SPTBN4: variants seen among roughly 807,000 people sequenced by gnomAD.
The protein encoded by SPTBN4 is spectrin beta chain, non-erythrocytic 4.
Under a neutral mutation model 277.8 loss-of-function variants are expected in SPTBN4, and 96 were observed. The observed-to-expected ratio is 0.35, with a 90% confidence interval of 0.29 to 0.41. SPTBN4 has a LOEUF of 0.41. Ranked by LOEUF, SPTBN4 falls within the 10% of genes least tolerant of loss-of-function variation. The pLI is 1.00. For synonymous variants in SPTBN4, 1,481 were observed against 1,580.3 expected (o/e 0.94, Z 1.49); for missense variants, 3,006 against 3,595.7 (o/e 0.84, Z 4.19).
intron 3 of SPTBN4, among the ~76,000 whole-genome samples, chr19:40,489,832 C>A (rs1021545763): frequency 1.3e-5 from 2 of 152,190 alleles, no homozygotes; most frequent in Non-Finnish European, 2.9e-5. Flanking sequence ...GGGGCAGAGC[C>A]AGGGACGTGA....
intron 17 of SPTBN4, among the ~76,000 whole-genome samples, chr19:40,525,300 T>C (rs1387354798): frequency 6.6e-6 from 1 of 150,872 alleles, no homozygotes; most frequent in Non-Finnish European, 1.5e-5. Context: ...CATCCAGGCC[T>C]GGATCCTTCC....
Position 40,512,641 on chromosome 19 carries a change from C to T in SPTBN4, c.1852C>T (p.Arg618Cys). 3.2e-6 allele frequency: 5 copies of T among 1,541,896 alleles called. No homozygotes were observed. Among genetic ancestry groups the T allele is most frequent in the Non-Finnish European group, 4.3e-6 (5 of 1,151,868 alleles). ...QPCDPQVICN[R>C]VNHVHGCLAE... Reference sequence around the variant, plus strand: ...CTGCGACCCGCAGGTCATCTGCAACCGCGTGAACCACGTGCACGGCTGCCT... The same window carrying T: ...CTGCGACCCGCAGGTCATCTGCAACTGCGTGAACCACGTGCACGGCTGCCT... Residue 618 changes from arginine (R) to cysteine (C), a missense_variant, in exon 14 of 36, where the codon CGC (arginine) becomes TGC (cysteine). Coordinates refer to ENST00000598249, the MANE Select transcript of SPTBN4 (RefSeq NM_020971.3).
At chr19:40,481,995 G>A (rs1568760444) in intron 2 of SPTBN4, among the ~76,000 whole-genome samples, 1 of 151,072 alleles carries the variant, frequency 6.6e-6, no homozygotes, top group East Asian at 2.0e-4. Flanking sequence ...GGAGTGCAAT[G>A]GCACGATCTC....
chr19:40,556,998 C>CCG, intron 25 of SPTBN4, 25 bp from the exon 26 acceptor site: 1 of 1,070,932 alleles, frequency 9.3e-7, no homozygotes, highest in Non-Finnish European at 1.3e-6. Flanking sequence ...TTTGCTGTAC[C>CCG]CCCCCCCCCA....
chr19:40,550,164 G>C (rs2080901928), intron 21 of SPTBN4, 74 bp from the exon 22 acceptor site: 1 of 1,301,356 alleles, frequency 7.7e-7, no homozygotes, highest in East Asian at 2.4e-5. Context: ...TGCCGTGCAG[G>C]TTTAAAGTTT....
At chr19:40,497,648 T>A (rs777025022) in intron 7 of SPTBN4, 44 bp downstream of exon 7, 1 of 1,501,210 alleles carries the variant, frequency 6.7e-7, no homozygotes, top group Non-Finnish European at 9.2e-7. Context: ...CTTGGGGGAC[T>A]CCCAACCCCA....
intron 27 of SPTBN4, among the ~76,000 whole-genome samples, chr19:40,561,099 C>T (rs574824199): frequency 5.3e-5 from 8 of 152,136 alleles, no homozygotes; most frequent in Non-Finnish European, 1.2e-4. Context: ...CTGCAACCTC[C>T]GTCTCCCAGG....
In SPTBN4 at chr19:40,502,379, T is replaced by C. The variant is rs200295373; in HGVS notation, c.1086-11T>C. On this transcript the variant is annotated splice_polypyrimidine_tract_variant and intron_variant, in intron 9 of 35. Transcript: ENST00000598249. The surrounding 1 kb of genome is among the most constrained non-coding windows in gnomAD (Gnocchi z 4.9). ...CATGACGGCAGGGCTCCTGAGCTCA[T>C]GCCCCTTCAGGTTCCAGGAGAAGGG... 1.3e-3 allele frequency: 2,138 copies of C among 1,610,920 alleles called. 2 individuals are homozygous for C. The highest frequency in any genetic ancestry group is 1.6e-3 in the Non-Finnish European group (1,912 of 1,178,484).
At chr19:40,489,372 G>C (rs1163385174) in intron 3 of SPTBN4, among the ~76,000 whole-genome samples, 1 of 142,242 alleles carries the variant, frequency 7.0e-6, no homozygotes, top group East Asian at 2.0e-4. Context: ...AAGCAGCGAG[G>C]GGTGTGACGC....
In SPTBN4 at chr19:40,502,407, A is replaced by G; in HGVS notation, c.1103A>G (p.Asn368Ser). 6.2e-7 allele frequency: 1 copy of G among 1,612,848 alleles called. No homozygotes were observed. The highest frequency in any genetic ancestry group is 8.5e-7 in the Non-Finnish European group (1 of 1,179,668). ...EKPVKFQEKG[N>S]LEVLLFSIQS... ...CCCTTCAGGTTCCAGGAGAAGGGGA[A>G]CCTAGAGGTGCTGCTCTTCAGCATC... is the stretch of plus-strand genomic sequence containing the variant. The change falls in exon 10 of 36, where the codon AAC becomes AGC. Residue 368 changes from asparagine to serine, a missense_variant. By Grantham distance (46) the Asn-to-Ser change is conservative. Around this residue, in one of 5 missense-constraint regions of SPTBN4, gnomAD observed 1,759 missense variants for 2,061.5 expected, o/e 0.85. Coordinates refer to ENST00000598249, the MANE Select transcript of SPTBN4 (RefSeq NM_020971.3). This position sits in a 1 kb window ranked among gnomAD's most constrained non-coding sequence, Gnocchi z 4.9.
In SPTBN4 at chr19:40,472,681, C is replaced by A. The variant is rs1478794270; in HGVS notation, c.60C>A (p.Asn20Lys). ...AGGGCCTGCCTGCTCCTAACAACAA[C>A]CCTGCTGCCCGCTGGGAGAGTCCGG... ...NMEGLPAPNN[N>K]PAARWESPDR... Residue 20 changes from asparagine to lysine, a missense_variant, in exon 2 of 36, where the codon AAC becomes AAA. Coordinates refer to ENST00000598249, the MANE Select transcript of SPTBN4 (RefSeq NM_020971.3). 2.5e-6 allele frequency: 4 copies of A among 1,613,940 alleles called. No individual in the cohort carries two copies. The South Asian group carries it at 3.3e-5, about 13-fold the overall frequency.
intron 35 of SPTBN4, 80 bp from the exon 36 acceptor site, chr19:40,575,331 G>T (rs2081191353): frequency 2.7e-6 from 4 of 1,483,060 alleles, no homozygotes; most frequent in South Asian, 2.5e-5. Flanking sequence ...TTTCAGAGAG[G>T]GTAGTCTGAT....
chr19:40,508,693 AAT>A (rs746375770), intron 13 of SPTBN4, among the ~76,000 whole-genome samples: 9 of 150,236 alleles, frequency 6.0e-5, no homozygotes, highest in South Asian at 2.1e-4. Flanking sequence ...ATCTCAAAGA[AAT>A]ATATATATAT....
At chr19:40,501,798 T>C (rs1211706309) in intron 7 of SPTBN4, 123 bp from the exon 8 acceptor site, 2 of 759,054 alleles carry the variant, frequency 2.6e-6, no homozygotes, top group Non-Finnish European at 4.5e-6. Context: ...AACAGAGAGG[T>C]TAATTATCTT....
In SPTBN4 at chr19:40,493,048, C is replaced by G. The variant is rs755319345; in HGVS notation, c.581C>G (p.Thr194Arg). 1 of 1,614,074 alleles carries G rather than the reference C, an allele frequency of 6.2e-7. No individual in the cohort carries two copies. Among genetic ancestry groups the G allele is most frequent in the Admixed American group, 1.7e-5 (1 of 60,012 alleles). Residue 194 changes from threonine (T) to arginine (R), a missense_variant, in exon 5 of 36, where the codon ACA (threonine) becomes AGA (arginine). Thr to Arg is a moderately conservative substitution (Grantham distance 71). Transcript: ENST00000598249. ...CTGCTCTTGTGGTGTCAGATGAAGA[C>G]AGCTGGGTAAGCACCCCCACCACCT... ...DALLLWCQMK[T>R]AGYPEVNIQN...
At chr19:40,472,036 G>A (rs148631332) in intron 1 of SPTBN4, among the ~76,000 whole-genome samples, 2,069 of 149,630 alleles carry the variant, frequency 0.014, 51 homozygotes, top group African/African-American at 0.048. Context: ...TCAGCCTCCC[G>A]AGTAGCTGGG....
intron 5 of SPTBN4, among the ~76,000 whole-genome samples, chr19:40,493,496 C>A (rs1387971936): frequency 6.6e-6 from 1 of 152,184 alleles, no homozygotes; most frequent in Non-Finnish European, 1.5e-5. Context: ...TCAGCCTAGG[C>A]AACATAGCAA....
chr19:40,498,762 C>T (rs1459298666), intron 7 of SPTBN4, among the ~76,000 whole-genome samples: 1 of 151,854 alleles, frequency 6.6e-6, no homozygotes, highest in African/African-American at 2.4e-5. Context: ...AGTGCAGTGC[C>T]ATGATCTCGG....
At chr19:40,536,241 T>A (rs1474973513) in intron 20 of SPTBN4, among the ~76,000 whole-genome samples, 7 of 151,612 alleles carry the variant, frequency 4.6e-5, no homozygotes. Flanking sequence ...TTCGTTGGAG[T>A]CTTGCTCTGT....
Sources: allele counts gnomAD v4.1 joint callset (sites outside exome capture counted in the v4.1 genomes callset), GRCh38; gene constraint gnomAD v4.1.1; regional missense constraint gnomAD v4.1.1; non-coding constraint Gnocchi (gnomAD v3.1); transcripts MANE v1.5; gene names NCBI Gene and HGNC (gene_info 2026-07-23, HGNC 2026-07-21).